The following SCAF11 variants were observed in gnomAD, a reference collection of about 807,000 sequenced individuals.
SCAF11 encodes protein SCAF11.
SCAF11 carries 47 observed loss-of-function variants against 140.5 expected under a neutral mutation model. The ratio of observed to expected loss-of-function variants is 0.33; its 90% CI spans 0.26 to 0.43. SCAF11 has a LOEUF of 0.43. SCAF11 is among the 20% of genes least tolerant of loss of function. The pLI is 1.00. For missense variants in SCAF11, 1,645 were observed against 1,705.1 expected, an observed-to-expected ratio of 0.96 and a Z score of 0.62; for synonymous variants, 557 against 579.4, an observed-to-expected ratio of 0.96 and a Z score of 0.55.
At chr12:45,970,607 G>C (rs534460212) in intron 1 of SCAF11, among the ~76,000 whole-genome samples, 2 of 152,350 alleles carry the variant, frequency 1.3e-5, no homozygotes, top group South Asian at 4.1e-4. Context: ...TTTCTAAGAA[G>C]ATTATCAGTG....
intron 5 of SCAF11, among the ~76,000 whole-genome samples, chr12:45,947,926 C>T (rs1945463014): frequency 6.6e-6 from 1 of 152,154 alleles, no homozygotes; most frequent in African/African-American, 2.4e-5. Context: ...ATCCTCCCAC[C>T]TCAGTCTCCC....
chr12:45,989,648 G>T (rs977366449), intron 1 of SCAF11, among the ~76,000 whole-genome samples: 3 of 152,320 alleles, frequency 2.0e-5, no homozygotes, highest in African/African-American at 7.2e-5. Context: ...CTCAGAAGGG[G>T]CGACTGATTA....
chr12:45,977,769 G>T (rs1331504507), intron 1 of SCAF11, among the ~76,000 whole-genome samples: 1 of 152,030 alleles, frequency 6.6e-6, no homozygotes, highest in African/African-American at 2.4e-5. Context: ...AGCTTGGGAG[G>T]GGGTGTTTGA....
At chr12:45,957,042 T>C (rs1409497613) in intron 3 of SCAF11, among the ~76,000 whole-genome samples, 1 of 152,142 alleles carries the variant, frequency 6.6e-6, no homozygotes, top group Non-Finnish European at 1.5e-5. Context: ...ACACTAAGGA[T>C]GAAGATGGAG....
chr12:45,936,155 T>G (rs1297581645), intron 6 of SCAF11, among the ~76,000 whole-genome samples: 2 of 152,072 alleles, frequency 1.3e-5, no homozygotes, highest in Non-Finnish European at 2.9e-5. Flanking sequence ...TTGTTTTTTT[T>G]TTTTGAAACA....
At chr12:45,932,721 T>G (rs1022430700) in intron 9 of SCAF11, among the ~76,000 whole-genome samples, 1 of 151,874 alleles carries the variant, frequency 6.6e-6, no homozygotes, top group African/African-American at 2.4e-5. Flanking sequence ...CAGGGTAGAG[T>G]AGGCACTTGA....
intron 10 of SCAF11, chr12:45,930,035 C>T (rs1945004031): frequency 1.3e-5 from 2 of 151,974 alleles, no homozygotes; most frequent in Non-Finnish European, 1.5e-5. Flanking sequence ...TGTATTCTTA[C>T]AATAAAAGAA....
chr12:45,965,351 G>A (rs1174647503), intron 1 of SCAF11, among the ~76,000 whole-genome samples: 1 of 152,188 alleles, frequency 6.6e-6, no homozygotes, highest in Non-Finnish European at 1.5e-5. Flanking sequence ...AGCAACTACA[G>A]TGAAGGAGAC....
chr12:45,955,294 C>G, intron 3 of SCAF11: 1 of 152,258 alleles, frequency 6.6e-6, no homozygotes, highest in Non-Finnish European at 1.5e-5. Flanking sequence ...GTAGTTGGGA[C>G]TACAGGCACG....
chr12:45,957,816 T>G (rs1200193578), intron 3 of SCAF11, among the ~76,000 whole-genome samples: 1 of 152,204 alleles, frequency 6.6e-6, no homozygotes, highest in Non-Finnish European at 1.5e-5. Context: ...TTTAAACATG[T>G]GTCTTCAAAC....
chr12:45,969,276 A>G (rs1946021256), intron 1 of SCAF11, among the ~76,000 whole-genome samples: 1 of 152,184 alleles, frequency 6.6e-6, no homozygotes, highest in South Asian at 2.1e-4. Context: ...GGTTCCTAAT[A>G]ATGTAAACTA....
At chr12:45,943,951 C>G (rs1414387158) in intron 6 of SCAF11, among the ~76,000 whole-genome samples, 1 of 152,078 alleles carries the variant, frequency 6.6e-6, no homozygotes, top group African/African-American at 2.4e-5. Flanking sequence ...ATCATAGATG[C>G]TTATAAATGA....
rs1565689183 is a variant in SCAF11, at chr12:45,972,951, GATATATAGATAT to G, written c.-21-8775_-21-8764del. ...ATAGATATATATAGATATATATATA[GATATATAGATAT>G]ATATATAGATATATAGATATATAGA... On this transcript the variant is annotated intron_variant, in intron 1 of 14. Coordinates refer to ENST00000369367, the MANE Select transcript of SCAF11 (RefSeq NM_004719.3). Among the ~76,000 whole-genome samples the G allele has an allele frequency of 4.4e-4, 49 of 111,334 alleles. 1 individual carries two copies. The highest frequency in any genetic ancestry group is 2.8e-3 in the African/African-American group (48 of 17,238). 73.0% of individuals were successfully genotyped at this position (111,334 alleles called of 152,430 possible). A position where few individuals can be genotyped will look rare whatever the true frequency, so the allele number is the denominator to read the frequency against.
chr12:45,963,785 G>A (rs1362138129), intron 2 of SCAF11, among the ~76,000 whole-genome samples: 3 of 152,126 alleles, frequency 2.0e-5, no homozygotes, highest in East Asian at 1.9e-4. Context: ...ATTAGCTTTA[G>A]AAGCAGAGGA....
At chr12:45,968,424 G>C (rs1394140702) in intron 1 of SCAF11, among the ~76,000 whole-genome samples, 1 of 152,098 alleles carries the variant, frequency 6.6e-6, no homozygotes, top group Non-Finnish European at 1.5e-5. Flanking sequence ...GTTTCTGCTA[G>C]ATACTGAAAG....
intron 2 of SCAF11, among the ~76,000 whole-genome samples, chr12:45,962,323 T>C (rs1043359545): frequency 6.6e-5 from 10 of 152,216 alleles, no homozygotes; most frequent in Non-Finnish European, 1.3e-4. Context: ...TTCAAATCTA[T>C]TGATGGACAT....
chr12:45,948,320 C>G (rs1310125397), intron 5 of SCAF11, 117 bp downstream of exon 5: 5 of 658,166 alleles, frequency 7.6e-6, no homozygotes, highest in Non-Finnish European at 1.3e-5. Flanking sequence ...CAAGTGTGTG[C>G]TTTTGAATAA....
intron 4 of SCAF11, among the ~76,000 whole-genome samples, chr12:45,950,441 A>G (rs1945523587): frequency 6.6e-6 from 1 of 152,232 alleles, no homozygotes; most frequent in Admixed American, 6.5e-5. Context: ...TACAAACTCT[A>G]TCAAATAAAT....
intron 6 of SCAF11, among the ~76,000 whole-genome samples, chr12:45,942,344 C>A (rs549525480): frequency 2.6e-5 from 4 of 152,198 alleles, no homozygotes; most frequent in African/African-American, 9.6e-5. Flanking sequence ...CCTAGAAAAA[C>A]GTCACCTAAA....
Sources: gnomAD v4.1 joint callset for allele counts (sites outside exome capture counted in the v4.1 genomes callset) on GRCh38, gnomAD v4.1.1 for gene constraint, MANE v1.5 for transcripts, NCBI Gene and HGNC (gene_info 2026-07-23, HGNC 2026-07-21) for gene names.